NFIL3: variants seen among roughly 807,000 people sequenced by gnomAD.
NFIL3 encodes the protein nuclear factor interleukin-3-regulated protein.
Under a neutral mutation model 10.0 loss-of-function variants are expected in NFIL3, and 5 were observed. That is an observed-to-expected ratio of 0.50 (90% CI 0.26 to 1.06). The LOEUF is 1.06. Ranked by LOEUF, NFIL3 falls within the 50% of genes least tolerant of loss-of-function variation. NFIL3 has a pLI of 0.13. For synonymous variants in NFIL3, 202 were observed against 206.5 expected (o/e 0.98, Z 0.19); for missense variants, 436 against 547.6 (o/e 0.80, Z 2.03).
intron 1 of NFIL3, among the ~76,000 whole-genome samples, chr9:91,420,809 G>A (rs148156849): frequency 6.6e-6 from 1 of 152,164 alleles, no homozygotes; most frequent in African/African-American, 2.4e-5. Flanking sequence ...TAGTTTTACA[G>A]TAGGACAGCA....
the NFIL3 span, among the ~76,000 whole-genome samples, chr9:91,463,211 T>G: frequency 6.6e-6 from 1 of 151,762 alleles, no homozygotes; most frequent in African/African-American, 2.4e-5. Flanking sequence ...TTTTTATTAT[T>G]TCTTTTATTC....
chr9:91,439,514 G>A, the NFIL3 span, among the ~76,000 whole-genome samples: 3 of 151,918 alleles, frequency 2.0e-5, no homozygotes, highest in Admixed American at 6.6e-5. Flanking sequence ...TTGTGTGTGC[G>A]TGTTTGATTG....
At chr9:91,477,649 A>C in the NFIL3 span, among the ~76,000 whole-genome samples, 1 of 152,224 alleles carries the variant, frequency 6.6e-6, no homozygotes, top group African/African-American at 2.4e-5. Context: ...GTACTGGGGA[A>C]AAAATTTCAA....
upstream of NFIL3, among the ~76,000 whole-genome samples, chr9:91,424,384 C>A (rs1205387480): frequency 6.6e-6 from 1 of 152,216 alleles, no homozygotes; most frequent in Non-Finnish European, 1.5e-5. Flanking sequence ...CCCTTCCCCG[C>A]ACACTCCCGA....
At chr9:91,430,246 T>C in the NFIL3 span, among the ~76,000 whole-genome samples, 1 of 152,160 alleles carries the variant, frequency 6.6e-6, no homozygotes, top group Non-Finnish European at 1.5e-5. Flanking sequence ...AGCATGTACA[T>C]CTACAAGAAA....
At position 91,410,574 on chromosome 9, in the gene NFIL3, T is replaced by C. The variant is rs965706116; in HGVS notation, c.161A>G (p.Lys54Arg). ...ELLLSEGSVG[K>R]NKSSACRRKR... is the part of the protein sequence containing the mutation. The stretch of plus-strand genomic sequence containing the variant: ...CCTCCGACATGCAGAAGATTTGTTC[T>C]TCCCCACACTTCCTTCACTGAGAAG... The change falls in exon 2 of 2, where the codon AAG becomes AGG. Residue 54 changes from lysine to arginine, a missense_variant. By Grantham distance (26) the Lys-to-Arg change is conservative. Transcript: ENST00000297689. This position sits in a 1 kb window ranked among gnomAD's most constrained non-coding sequence, Gnocchi z 5.7. The C allele has an allele frequency of 7.4e-6, 12 of 1,614,142 alleles. No homozygotes were observed. Among genetic ancestry groups the C allele is most frequent in the Admixed American group, 6.7e-5 (4 of 60,016 alleles).
At chr9:91,450,704 A>T in the NFIL3 span, among the ~76,000 whole-genome samples, 1 of 152,146 alleles carries the variant, frequency 6.6e-6, no homozygotes, top group Non-Finnish European at 1.5e-5. Context: ...GGTTTTGTGT[A>T]TGTATGTTAG....
chr9:91,432,267 C>T, the NFIL3 span, among the ~76,000 whole-genome samples: 2 of 152,212 alleles, frequency 1.3e-5, no homozygotes. Context: ...ATCCCAGCCA[C>T]AGTCTGTGCT....
At chr9:91,443,333 T>C in the NFIL3 span, among the ~76,000 whole-genome samples, 1 of 152,212 alleles carries the variant, frequency 6.6e-6, no homozygotes, top group Non-Finnish European at 1.5e-5. Context: ...CTTCAGGCCA[T>C]CTGGGATTTG....
At chr9:91,465,239 T>A in the NFIL3 span, among the ~76,000 whole-genome samples, 329 of 152,252 alleles carry the variant, frequency 2.2e-3, 1 homozygote, top group African/African-American at 7.5e-3. Flanking sequence ...CTGCCCATTT[T>A]GATATTGTCC....
upstream of NFIL3, among the ~76,000 whole-genome samples, chr9:91,424,360 C>G (rs1330352877): frequency 6.6e-6 from 1 of 152,200 alleles, no homozygotes; most frequent in Non-Finnish European, 1.5e-5. Context: ...GGGCGTGGCC[C>G]GGACCTCGGC....
the NFIL3 span, among the ~76,000 whole-genome samples, chr9:91,461,326 G>A: frequency 6.6e-6 from 1 of 152,050 alleles, no homozygotes; most frequent in African/African-American, 2.4e-5. Context: ...AATAAATTCA[G>A]GTAAAAATTT....
At chr9:91,428,344 T>G (rs1215858827), upstream of NFIL3, among the ~76,000 whole-genome samples, 1 of 152,184 alleles carries the variant, frequency 6.6e-6, no homozygotes, top group Non-Finnish European at 1.5e-5. Flanking sequence ...CATCCACTTT[T>G]CTCTTTGCTC....
Position 91,410,696 on chromosome 9 carries a change from C to T in NFIL3, c.39G>A (p.Gln13=). The T allele has an allele frequency of 1.2e-6, 2 of 1,605,806 alleles. No individual in the cohort carries two copies. Among genetic ancestry groups the T allele is most frequent in the Non-Finnish European group, 1.7e-6 (2 of 1,177,306 alleles). Reference sequence around the variant, plus strand: ...CATTGCTACTGGCATCAAGAGACGCCTGCTCCTTTTTGACGGTCTGCATTT... The same window carrying T: ...CATTGCTACTGGCATCAAGAGACGCTTGCTCCTTTTTGACGGTCTGCATTT... ...LRKMQTVKKE[Q]ASLDASSNVD... Residue 13 remains glutamine, a synonymous_variant, in exon 2 of 2, where the codon CAG becomes CAA. Coordinates refer to ENST00000297689, the MANE Select transcript of NFIL3 (RefSeq NM_005384.3). The surrounding 1 kb of genome is among the most constrained non-coding windows in gnomAD (Gnocchi z 5.7).
At chr9:91,471,037 T>C in the NFIL3 span, among the ~76,000 whole-genome samples, 18 of 152,316 alleles carry the variant, frequency 1.2e-4, no homozygotes, top group East Asian at 3.5e-3. Context: ...CTGTTAGGTC[T>C]GCTTGGTACA....
chr9:91,474,909 T>A, the NFIL3 span, among the ~76,000 whole-genome samples: 1 of 152,160 alleles, frequency 6.6e-6, no homozygotes, highest in Non-Finnish European at 1.5e-5. Context: ...GTAGACAAAG[T>A]CCTGCCTATA....
the NFIL3 span, among the ~76,000 whole-genome samples, chr9:91,440,872 G>A: frequency 9.2e-5 from 14 of 152,130 alleles, no homozygotes; most frequent in African/African-American, 2.4e-4. Flanking sequence ...AACAATCTTC[G>A]ATATGATTTT....
chr9:91,450,287 T>A, the NFIL3 span, among the ~76,000 whole-genome samples: 1 of 152,104 alleles, frequency 6.6e-6, no homozygotes, highest in Non-Finnish European at 1.5e-5. Context: ...CCTCAAGATA[T>A]AAAGTTAGGC....
the NFIL3 span, among the ~76,000 whole-genome samples, chr9:91,429,914 C>T: frequency 2.0e-5 from 3 of 152,038 alleles, no homozygotes; most frequent in Non-Finnish European, 4.4e-5. Context: ...AACTCTGTGG[C>T]TGTGGGCAAC....
Sources: gnomAD v4.1 joint callset for allele counts (sites outside exome capture counted in the v4.1 genomes callset) on GRCh38, gnomAD v4.1.1 for gene constraint, Gnocchi (gnomAD v3.1) non-coding constraint, MANE v1.5 for transcripts, NCBI Gene and HGNC (gene_info 2026-07-23, HGNC 2026-07-21) for gene names.